The following MAGI2 variants were observed in gnomAD, a reference collection of about 807,000 sequenced individuals.
MAGI2 encodes the protein membrane associated guanylate kinase, WW and PDZ domain containing 2.
MAGI2 carries 35 observed loss-of-function variants against 133.3 expected under a neutral mutation model. The ratio of observed to expected loss-of-function variants is 0.26; its 90% CI spans 0.20 to 0.35. MAGI2 has a LOEUF of 0.35. MAGI2 is among the 10% of genes least tolerant of loss of function. The pLI is 1.00. For synonymous variants in MAGI2, 729 were observed against 710.6 expected (o/e 1.03, Z -0.41); for missense variants, 1,636 against 1,863.4 (o/e 0.88, Z 2.25).
chr7:78,146,042 T>A (rs999193274), intron 16 of MAGI2, among the ~76,000 whole-genome samples: 11 of 152,194 alleles, frequency 7.2e-5, no homozygotes, highest in South Asian at 4.1e-4. Flanking sequence ...TTTTTGAAGC[T>A]TTCTTTTCTT....
chr7:78,701,041 A>G (rs1293522160), intron 2 of MAGI2, among the ~76,000 whole-genome samples: 1 of 151,472 alleles, frequency 6.6e-6, no homozygotes, highest in Non-Finnish European at 1.5e-5. Flanking sequence ...GAAGTCTACA[A>G]TATATTTTGT....
chr7:79,113,840 C>T (rs912061361), intron 1 of MAGI2, among the ~76,000 whole-genome samples: 2 of 123,958 alleles, frequency 1.6e-5, no homozygotes, highest in East Asian at 4.8e-4. Flanking sequence ...ACACACACTC[C>T]TTTCAACCTT....
intron 15 of MAGI2, among the ~76,000 whole-genome samples, chr7:78,165,617 A>G (rs1825547099): frequency 6.6e-6 from 1 of 152,118 alleles, no homozygotes; most frequent in Non-Finnish European, 1.5e-5. Flanking sequence ...TCCTCTGTGC[A>G]AGGGGGTGGC....
chr7:78,223,464 G>C (rs1015043013), intron 10 of MAGI2, among the ~76,000 whole-genome samples: 1 of 152,134 alleles, frequency 6.6e-6, no homozygotes, highest in Non-Finnish European at 1.5e-5. Context: ...ATAAATAGTG[G>C]TGACAGCAAT....
chr7:78,894,327 G>A (rs772714287), intron 2 of MAGI2, among the ~76,000 whole-genome samples: 3 of 152,182 alleles, frequency 2.0e-5, no homozygotes, highest in African/African-American at 4.8e-5. Flanking sequence ...GCGTGAACCC[G>A]GGTGGCAGAG....
chr7:79,432,258 A>C (rs2129187623), intron 1 of MAGI2, among the ~76,000 whole-genome samples: 1 of 152,336 alleles, frequency 6.6e-6, no homozygotes, highest in Non-Finnish European at 1.5e-5. Flanking sequence ...GTCTCATCTC[A>C]CTTTTCCTCT....
Position 78,492,064 on chromosome 7 carries a change from T to C in MAGI2, c.966-2224A>G, listed in dbSNP as rs75800245. On this transcript the variant is annotated intron_variant, in intron 5 of 21. Coordinates refer to ENST00000354212, the MANE Select transcript of MAGI2 (RefSeq NM_012301.4). Reference sequence around the variant, plus strand: ...GTCATTTCTAGGCTCCTTAGATATATTCACAAAAGCAAACACATCCATGGG... The same window carrying C: ...GTCATTTCTAGGCTCCTTAGATATACTCACAAAAGCAAACACATCCATGGG... 3.7e-3 allele frequency among the ~76,000 whole-genome samples: 556 copies of C among 152,184 alleles called. 5 individuals are homozygous for C. Among genetic ancestry groups the C allele is most frequent in the African/African-American group, 0.013 (524 of 41,544 alleles).
At chr7:78,912,579 C>A (rs1317312665) in intron 2 of MAGI2, among the ~76,000 whole-genome samples, 1 of 151,884 alleles carries the variant, frequency 6.6e-6, no homozygotes, top group Non-Finnish European at 1.5e-5. Context: ...TTCTCCCATG[C>A]TGGATGCTTC....
intron 18 of MAGI2, among the ~76,000 whole-genome samples, chr7:78,129,575 T>C (rs1021467697): frequency 2.6e-5 from 4 of 152,088 alleles, no homozygotes; most frequent in African/African-American, 7.2e-5. Flanking sequence ...TTCTAGCAGG[T>C]TTTTTGTGGT....
intron 2 of MAGI2, among the ~76,000 whole-genome samples, chr7:78,753,077 A>T (rs1029364959): frequency 1.3e-5 from 2 of 152,210 alleles, no homozygotes; most frequent in African/African-American, 4.8e-5. Context: ...AATAATATCC[A>T]GGACAGAATG....
rs76341857 is a variant in MAGI2 at position 79,208,303 on chromosome 7, C to T, written c.302-201097G>A. ...TATACATCTGATAAGGGTTTAATAA[C>T]CAAAATATATAAAATACTCAAACAA... On this transcript the variant is annotated intron_variant, in intron 1 of 21. Transcript: ENST00000354212. 3.6e-3 allele frequency among the ~76,000 whole-genome samples: 548 copies of T among 151,798 alleles called. 29 individuals carry two copies. The East Asian group carries it at 0.092, about 25-fold the overall frequency.
chr7:79,364,485 AAAAT>A (rs1457791331), intron 1 of MAGI2, among the ~76,000 whole-genome samples: 2 of 152,092 alleles, frequency 1.3e-5, no homozygotes, highest in Admixed American at 1.3e-4. Flanking sequence ...TTTTACATAC[AAAAT>A]AAATAATTTT....
At chr7:78,728,462 C>T (rs1386055577) in intron 2 of MAGI2, among the ~76,000 whole-genome samples, 1 of 149,838 alleles carries the variant, frequency 6.7e-6, no homozygotes, top group Non-Finnish European at 1.5e-5. Flanking sequence ...TGAGATAGAG[C>T]CATCAAACAC....
intron 6 of MAGI2, among the ~76,000 whole-genome samples, chr7:78,404,527 C>A (rs963422673): frequency 6.6e-6 from 1 of 152,054 alleles, no homozygotes; most frequent in Admixed American, 6.6e-5. Flanking sequence ...TATCTACAAC[C>A]ACCTGATCTT....
At chr7:78,187,582 A>G (rs1182938045) in intron 12 of MAGI2, among the ~76,000 whole-genome samples, 1 of 152,202 alleles carries the variant, frequency 6.6e-6, no homozygotes, top group East Asian at 1.9e-4. Flanking sequence ...TGTTTCAAAT[A>G]AAGAGCCAGT....
intron 3 of MAGI2, among the ~76,000 whole-genome samples, chr7:78,601,338 A>G (rs1805181733): frequency 6.6e-6 from 1 of 151,946 alleles, no homozygotes; most frequent in Admixed American, 6.6e-5. Context: ...AAGTGCTAAG[A>G]AAAAAAATGA....
chr7:79,059,889 T>C (rs1813542124), intron 1 of MAGI2, among the ~76,000 whole-genome samples: 1 of 152,116 alleles, frequency 6.6e-6, no homozygotes, highest in Admixed American at 6.6e-5. Context: ...AATTAATATG[T>C]CTACCTGTGC....
intron 2 of MAGI2, among the ~76,000 whole-genome samples, chr7:78,730,435 A>G (rs1292307277): frequency 6.6e-6 from 1 of 150,720 alleles, no homozygotes; most frequent in African/African-American, 2.4e-5. Context: ...AAAAAGAGGC[A>G]TAACTGGCAT....
chr7:79,351,911 G>A (rs1841719337), intron 1 of MAGI2: 1 of 152,154 alleles, frequency 6.6e-6, no homozygotes, highest in Non-Finnish European at 1.5e-5. Context: ...TATGGTCATA[G>A]GGCACAGACC....
Sources: gnomAD v4.1 joint callset for allele counts (sites outside exome capture counted in the v4.1 genomes callset) on GRCh38, gnomAD v4.1.1 for gene constraint, MANE v1.5 for transcripts, NCBI Gene and HGNC (gene_info 2026-07-23, HGNC 2026-07-21) for gene names.